The following ATOH8 variants were observed in gnomAD, a reference collection of about 807,000 sequenced individuals.
The protein encoded by ATOH8 is transcription factor ATOH8.
ATOH8 carries 9 observed loss-of-function variants against 21.2 expected under a neutral mutation model. The observed-to-expected ratio is 0.42, with a 90% CI of 0.26 to 0.74. ATOH8 has a LOEUF of 0.74. Among genes scored for constraint, ATOH8 ranks in the 30% least tolerant of loss-of-function variants. The pLI, the probability that ATOH8 is intolerant of heterozygous loss-of-function variation, is 0.24. For synonymous variants in ATOH8, 253 were observed against 224.0 expected (o/e 1.13, Z -1.16); for missense variants, 524 against 470.9 (o/e 1.11, Z -1.04).
At chr2:85,765,576 C>T (rs1021913407) in intron 2 of ATOH8, among the ~76,000 whole-genome samples, 1 of 152,180 alleles carries the variant, frequency 6.6e-6, no homozygotes, top group Non-Finnish European at 1.5e-5. Context: ...GCTCCCGCGG[C>T]GCTCGGTGAC....
intron 1 of ATOH8, among the ~76,000 whole-genome samples, chr2:85,755,431 A>C (rs112006288): frequency 1.1e-3 from 163 of 152,230 alleles, no homozygotes; most frequent in African/African-American, 3.7e-3. Context: ...GATGCCCCGA[A>C]CACTCAGGTT....
intron 2 of ATOH8, among the ~76,000 whole-genome samples, chr2:85,782,475 G>GAAACGAACA (rs1680520763): frequency 6.6e-6 from 1 of 151,922 alleles, no homozygotes; most frequent in Admixed American, 6.5e-5. Flanking sequence ...TTTTAAACTG[G>GAAACGAACA]AAACGAACAA....
intron 2 of ATOH8, 22 bp downstream of exon 2, chr2:85,764,204 G>A (rs375184554): frequency 1.6e-5 from 25 of 1,612,530 alleles, no homozygotes; most frequent in African/African-American, 1.3e-4. Flanking sequence ...CTGGGTGGGC[G>A]GTAGCTTCTG....
At position 85,790,936 on chromosome 2, in the gene ATOH8, A is replaced by AC. The variant is rs1403944141; in HGVS notation, c.*4047dup. Among the ~76,000 whole-genome samples the AC allele has an allele frequency of 3.3e-5, 5 of 152,216 alleles. No individual in the cohort carries two copies. Among genetic ancestry groups the AC allele is most frequent in the African/African-American group, 4.8e-5 (2 of 41,454 alleles). On this transcript the variant is annotated 3_prime_UTR_variant, in exon 3 of 3. Transcript: ENST00000306279. ...CCAGGCAACAAACAGCAAGACTCAG[A>AC]CATCTCCAAGGAAACCCTTTGAGTG...
In ATOH8 at chr2:85,754,035, C is replaced by T; in HGVS notation, c.-155C>T. The T allele has an allele frequency of 1.1e-6, 1 of 942,838 alleles. No homozygotes were observed. The highest frequency in any genetic ancestry group is 1.5e-6 in the Non-Finnish European group (1 of 684,564). The allele number at this position is 942,838 out of a possible 1,614,324, so 58.4% of individuals were successfully genotyped here. A position where few individuals can be genotyped will look rare whatever the true frequency, so the allele number is the denominator to read the frequency against. On this transcript the variant is annotated 5_prime_UTR_variant, in exon 1 of 3. Coordinates refer to ENST00000306279, the MANE Select transcript of ATOH8 (RefSeq NM_032827.7). ...CCGGGAACGGACAGCCCGGCGGCTTCCCGAAGCCGGCGGCGCAGCTGCCCG... is the reference window on the plus strand; with the variant it reads ...CCGGGAACGGACAGCCCGGCGGCTTTCCGAAGCCGGCGGCGCAGCTGCCCG...
chr2:85,779,366 G>A (rs997629954), intron 2 of ATOH8, among the ~76,000 whole-genome samples: 2 of 152,240 alleles, frequency 1.3e-5, no homozygotes, highest in South Asian at 2.1e-4. Context: ...AGAGGCCAAG[G>A]AAGAGTTGGC....
rs1211242265 is a variant in ATOH8 at position 85,754,520 on chromosome 2, T to C, written c.331T>C (p.Cys111Arg). 2.1e-6 allele frequency: 3 copies of C among 1,426,058 alleles called. No homozygotes were observed. The highest frequency in any genetic ancestry group is 2.8e-5 in the East Asian group (1 of 35,372). The allele number at this position is 1,426,058 out of a possible 1,614,324, so 88.3% of individuals were successfully genotyped here. A position where few individuals can be genotyped will look rare whatever the true frequency, so the allele number is the denominator to read the frequency against. ...CGAGGTCTCCGACGCGCGGAAACGC[T>C]GCTTCGCCCTAGGCGCAGTGGGGCC... ...APEVSDARKRCFALGAVGPGL... is the reference protein window; with the variant it reads ...APEVSDARKRRFALGAVGPGL... The change falls in exon 1 of 3, where the codon TGC (cysteine) becomes CGC (arginine). Residue 111 changes from cysteine (C) to arginine (R), a missense_variant. Cys to Arg is a radical substitution (Grantham distance 180, BLOSUM62 -3). Coordinates refer to ENST00000306279, the MANE Select transcript of ATOH8 (RefSeq NM_032827.7).
At chr2:85,775,161 C>A in intron 2 of ATOH8, 1 of 934,386 alleles carries the variant, frequency 1.1e-6, no homozygotes, top group Non-Finnish European at 1.3e-6. Context: ...ATATTACATC[C>A]CATGACACTA....
Position 85,778,533 on chromosome 2 carries a change from G to A in ATOH8, c.961-8352G>A, listed in dbSNP as rs535118803. On this transcript the variant is annotated intron_variant, in intron 2 of 2. Transcript: ENST00000306279. ...TATTTGGGCTTCCCAAATGTCTCAC[G>A]GCCTCTCCAAGCCACGGGTGCCCCA... is the stretch of plus-strand genomic sequence containing the variant. Among the ~76,000 whole-genome samples, 44 of 152,206 alleles carry A rather than the reference G, an allele frequency of 2.9e-4. 1 individual carries two copies. In the South Asian group the frequency reaches 8.5e-3, roughly 29 times the overall value.
rs572436393 is a variant in ATOH8 at position 85,754,657 on chromosome 2, G to C, written c.468G>C (p.Leu156=). 11 of 1,536,128 alleles carry C rather than the reference G, an allele frequency of 7.2e-6. No individual in the cohort carries two copies. In the Admixed American group the frequency reaches 2.0e-4, roughly 28 times the overall value. Residue 156 remains leucine, a synonymous_variant, in exon 1 of 3, where the codon CTG becomes CTC. Transcript: ENST00000306279. ...CGGGTCTGCGTCCTCGCATCTTGCT[G>C]TGCGCACCGCCCGCGCGCCCCGCGC... is the stretch of plus-strand genomic sequence containing the variant. The part of the protein sequence containing the change: ...REPGLRPRIL[L]CAPPARPAPS...
intron 1 of ATOH8, 77 bp from the exon 2 acceptor site, chr2:85,763,914 A>T: frequency 7.0e-7 from 1 of 1,430,082 alleles, no homozygotes; most frequent in South Asian, 1.3e-5. Context: ...CAGATATACC[A>T]TAGACAGGCC....
chr2:85,764,703 C>T (rs1040997590), intron 2 of ATOH8, among the ~76,000 whole-genome samples: 2 of 152,140 alleles, frequency 1.3e-5, no homozygotes, highest in Admixed American at 6.5e-5. Context: ...GCTGAGCATA[C>T]TGGGCAGGGG....
At chr2:85,767,309 T>C (rs1680042250) in intron 2 of ATOH8, among the ~76,000 whole-genome samples, 1 of 151,972 alleles carries the variant, frequency 6.6e-6, no homozygotes, top group Non-Finnish European at 1.5e-5. Context: ...CACGTGGTTA[T>C]GAGTTTTTGG....
intron 2 of ATOH8, among the ~76,000 whole-genome samples, chr2:85,782,710 A>G (rs1165460123): frequency 6.6e-6 from 1 of 152,144 alleles, no homozygotes; most frequent in Non-Finnish European, 1.5e-5. Flanking sequence ...GTTTTGAGAC[A>G]GAGTCTCCAG....
chr2:85,771,755 A>G (rs1000196374), intron 2 of ATOH8, among the ~76,000 whole-genome samples: 1 of 152,162 alleles, frequency 6.6e-6, no homozygotes, highest in East Asian at 1.9e-4. Flanking sequence ...AAGCACATCA[A>G]CCATGTGGTG....
intron 2 of ATOH8, chr2:85,773,710 C>T (rs1680253675): frequency 6.6e-6 from 1 of 152,252 alleles, no homozygotes; most frequent in Non-Finnish European, 1.5e-5. Flanking sequence ...TTTGCAAAAG[C>T]CTCACATTTG....
At chr2:85,776,179 G>A (rs1255018256) in intron 2 of ATOH8, among the ~76,000 whole-genome samples, 10 of 152,088 alleles carry the variant, frequency 6.6e-5, no homozygotes, top group African/African-American at 2.4e-4. Context: ...GGGCAGGGCT[G>A]GGTGGGGCTT....
rs1191565416 is a variant in ATOH8 at position 85,754,510 on chromosome 2, G to C, written c.321G>C (p.Ala107=). 2 of 1,428,742 alleles carry C rather than the reference G, an allele frequency of 1.4e-6. No homozygotes were observed. The highest frequency in any genetic ancestry group is 1.8e-6 in the Non-Finnish European group (2 of 1,101,026). The allele number at this position is 1,428,742 out of a possible 1,614,324, so 88.5% of individuals were successfully genotyped here. Residue 107 remains alanine, a synonymous_variant, in exon 1 of 3, where the codon GCG becomes GCC. Transcript: ENST00000306279. ...GGSRAPEVSD[A]RKRCFALGAV... The stretch of plus-strand genomic sequence containing the variant: ...CTCGGGCGCCCGAGGTCTCCGACGC[G>C]CGGAAACGCTGCTTCGCCCTAGGCG...
rs766313624 is a variant in ATOH8 at position 85,785,168 on chromosome 2, G to A, written c.961-1717G>A. Among the ~76,000 whole-genome samples the A allele has an allele frequency of 5.9e-5, 9 of 152,230 alleles. No homozygotes were observed. Among genetic ancestry groups the A allele is most frequent in the Non-Finnish European group, 1.3e-4 (9 of 68,032 alleles). On this transcript the variant is annotated intron_variant, in intron 2 of 2. Transcript: ENST00000306279. The surrounding 1 kb of genome is among the most constrained non-coding windows in gnomAD (Gnocchi z 4.1). Reference sequence around the variant, plus strand: ...AGCCTCCCCTTCTTCCTCAGGCCACGGGCAGGCTGAACAAGAGAAAAACCT... The same window carrying A: ...AGCCTCCCCTTCTTCCTCAGGCCACAGGCAGGCTGAACAAGAGAAAAACCT...
Sources: gnomAD v4.1 joint callset for allele counts (sites outside exome capture counted in the v4.1 genomes callset) on GRCh38, gnomAD v4.1.1 for gene constraint, Gnocchi (gnomAD v3.1) non-coding constraint, MANE v1.5 for transcripts, NCBI Gene and HGNC (gene_info 2026-07-23, HGNC 2026-07-21) for gene names.